ZFPM2: variants seen among roughly 807,000 people sequenced by gnomAD.
The protein encoded by ZFPM2 is zinc finger protein ZFPM2.
ZFPM2 carries 20 observed loss-of-function variants against 98.6 expected under a neutral mutation model. The observed-to-expected ratio is 0.20, with a 90% CI of 0.14 to 0.29. The LOEUF is 0.29. Among genes scored for constraint, ZFPM2 ranks in the 10% least tolerant of loss-of-function variants. ZFPM2 has a pLI of 1.00. For missense variants in ZFPM2, 1,310 were observed against 1,388.6 expected (o/e 0.94, Z 0.90); for synonymous variants, 518 against 502.7 (o/e 1.03, Z -0.41).
At chr8:105,545,125 T>C (rs1427965364) in intron 3 of ZFPM2, among the ~76,000 whole-genome samples, 1 of 152,162 alleles carries the variant, frequency 6.6e-6, no homozygotes, top group Non-Finnish European at 1.5e-5. Context: ...TTTCACAGGA[T>C]CCTAAGGAAT....
intron 3 of ZFPM2, among the ~76,000 whole-genome samples, chr8:105,445,509 T>TA (rs200173814): frequency 2.0e-5 from 3 of 147,868 alleles, no homozygotes; most frequent in Admixed American, 6.8e-5. Context: ...TTCCCTCGAT[T>TA]AAAAAAAAAA....
intron 5 of ZFPM2, among the ~76,000 whole-genome samples, chr8:105,679,320 G>C (rs1810548197): frequency 6.6e-6 from 1 of 152,162 alleles, no homozygotes; most frequent in Non-Finnish European, 1.5e-5. Context: ...CATTTAGACT[G>C]TGGTCTTTGC....
intron 5 of ZFPM2, among the ~76,000 whole-genome samples, chr8:105,711,297 A>G (rs1319131921): frequency 6.6e-6 from 1 of 152,052 alleles, no homozygotes; most frequent in African/African-American, 2.4e-5. Flanking sequence ...GCTATCTTAT[A>G]TTCCTCTTAC....
chr8:105,556,628 C>T (rs1353102829), intron 3 of ZFPM2, among the ~76,000 whole-genome samples: 2 of 151,608 alleles, frequency 1.3e-5, no homozygotes, highest in Admixed American at 1.3e-4. Flanking sequence ...CTCCAAATAC[C>T]TGTGATTGCC....
chr8:105,393,342 C>CTTTCTT (rs1554600684), intron 1 of ZFPM2, among the ~76,000 whole-genome samples: 1 of 58,138 alleles, frequency 1.7e-5, no homozygotes, highest in Non-Finnish European at 3.6e-5. Flanking sequence ...CTTTGCCTTT[C>CTTTCTT]TTTCTTTCTT....
intron 5 of ZFPM2, among the ~76,000 whole-genome samples, chr8:105,686,703 T>C (rs1184902455): frequency 1.3e-5 from 2 of 152,192 alleles, no homozygotes; most frequent in East Asian, 3.9e-4. Context: ...TATTATTTTA[T>C]AAAGTTTTAA....
chr8:105,482,573 A>G (rs1361685424), intron 3 of ZFPM2, among the ~76,000 whole-genome samples: 2 of 152,066 alleles, frequency 1.3e-5, no homozygotes, highest in Admixed American at 6.5e-5. Flanking sequence ...CCAACTTAGC[A>G]GACATAAATT....
intron 1 of ZFPM2, among the ~76,000 whole-genome samples, chr8:105,392,733 T>G (rs1811133350): frequency 6.6e-6 from 1 of 152,132 alleles, no homozygotes; most frequent in African/African-American, 2.4e-5. Flanking sequence ...TAATTAATAA[T>G]CCAAATTAAA....
chr8:105,508,499 A>G (rs1214516859), intron 3 of ZFPM2, among the ~76,000 whole-genome samples: 2 of 152,098 alleles, frequency 1.3e-5, no homozygotes, highest in African/African-American at 4.8e-5. Context: ...TAATACTTTA[A>G]TAAGAGACCT....
chr8:105,762,186 T>A (rs1016899842), intron 5 of ZFPM2, among the ~76,000 whole-genome samples: 1 of 152,014 alleles, frequency 6.6e-6, no homozygotes. Flanking sequence ...TGAAAATCAA[T>A]GATCAATGCT....
intron 5 of ZFPM2, among the ~76,000 whole-genome samples, chr8:105,673,778 C>G (rs1290724564): frequency 6.6e-6 from 1 of 152,112 alleles, no homozygotes; most frequent in African/African-American, 2.4e-5. Flanking sequence ...TCTTTCTGAG[C>G]CTTATTCTAT....
At chr8:105,447,719 G>A (rs1228612643) in intron 3 of ZFPM2, among the ~76,000 whole-genome samples, 1 of 152,000 alleles carries the variant, frequency 6.6e-6, no homozygotes, top group African/African-American at 2.4e-5. Flanking sequence ...AGAATTTGAG[G>A]CATAGAGCTG....
At chr8:105,520,042 T>C (rs1814016871) in intron 3 of ZFPM2, among the ~76,000 whole-genome samples, 1 of 152,162 alleles carries the variant, frequency 6.6e-6, no homozygotes, top group Non-Finnish European at 1.5e-5. Flanking sequence ...TAAACTATTT[T>C]GTTAGGAACA....
At chr8:105,723,338 T>G (rs1353897192) in intron 5 of ZFPM2, among the ~76,000 whole-genome samples, 2 of 151,878 alleles carry the variant, frequency 1.3e-5, no homozygotes, top group Non-Finnish European at 2.9e-5. Context: ...GTATAATCGT[T>G]CCAGACTTCG....
In ZFPM2 at chr8:105,332,793, G is replaced by A. The variant is rs1417621721; in HGVS notation, c.40+13812G>A. ...TGGGAGATGTAGTCATGACAAGAGG[G>A]AATTGTATCCTGGCAGAAACAATAG... On this transcript the variant is annotated intron_variant, in intron 1 of 7. Transcript: ENST00000407775. Among the ~76,000 whole-genome samples, 6 of 151,612 alleles carry A rather than the reference G, an allele frequency of 4.0e-5. No homozygotes were observed. In the South Asian group the frequency reaches 1.2e-3, roughly 31 times the overall value.
chr8:105,580,507 T>C (rs73697402), intron 4 of ZFPM2, among the ~76,000 whole-genome samples: 4,302 of 152,184 alleles, frequency 0.028, 179 homozygotes, highest in African/African-American at 0.091. Flanking sequence ...ACCTTGATGA[T>C]GGAACCAGTT....
intron 1 of ZFPM2, among the ~76,000 whole-genome samples, chr8:105,330,599 T>TATATATATACAC (rs1431230000): frequency 1.5e-4 from 6 of 39,918 alleles, no homozygotes; most frequent in African/African-American, 3.2e-4. Flanking sequence ...TATATACATA[T>TATATATATACAC]ATATATATAT....
chr8:105,450,545 A>G (rs758221617), intron 3 of ZFPM2, among the ~76,000 whole-genome samples: 1 of 152,158 alleles, frequency 6.6e-6, no homozygotes, highest in Non-Finnish European at 1.5e-5. Context: ...CTGCTATCAG[A>G]TAATGCAGTT....
chr8:105,621,964 C>T (rs1816560831), intron 4 of ZFPM2, among the ~76,000 whole-genome samples: 1 of 151,756 alleles, frequency 6.6e-6, no homozygotes, highest in African/African-American at 2.4e-5. Context: ...AGAGGGCATC[C>T]CTGTAAAATG....
Sources: allele counts gnomAD v4.1 joint callset (sites outside exome capture counted in the v4.1 genomes callset), GRCh38; gene constraint gnomAD v4.1.1; transcripts MANE v1.5; gene names NCBI Gene and HGNC (gene_info 2026-07-23, HGNC 2026-07-21).